ELMOD1: variants seen among roughly 807,000 people sequenced by gnomAD.
ELMOD1 encodes the protein ELMO domain containing 1.
Under a neutral mutation model 46.7 loss-of-function variants are expected in ELMOD1, and 21 were observed. The observed-to-expected ratio is 0.45, with a 90% confidence interval of 0.32 to 0.65. ELMOD1 has a LOEUF of 0.65. ELMOD1 is among the 30% of genes least tolerant of loss of function. The pLI, the probability that ELMOD1 is intolerant of heterozygous loss-of-function variation, is 0.04. For synonymous variants in ELMOD1, 122 were observed against 138.2 expected, an observed-to-expected ratio of 0.88 and a Z score of 0.82; for missense variants, 348 against 407.8, an observed-to-expected ratio of 0.85 and a Z score of 1.26.
intron 2 of ELMOD1, chr11:107,620,421 A>G (rs1865927530): frequency 1.3e-5 from 2 of 152,382 alleles, no homozygotes; most frequent in South Asian, 4.1e-4. Context: ...AAAATATTCA[A>G]TGTATGTCAA....
Position 107,635,720 on chromosome 11 carries a change from G to A in ELMOD1, c.375G>A (p.Glu125=). Reference sequence around the variant, plus strand: ...CAGATGTGGAAAAACTGCGTAGAGAGGCCTATGATTCTGATAATCCCCAAC... The same window carrying A: ...CAGATGTGGAAAAACTGCGTAGAGAAGCCTATGATTCTGATAATCCCCAAC... The part of the protein sequence containing the change: ...LIADVEKLRR[E]AYDSDNPQHE... Residue 125 remains glutamate, a synonymous_variant, in exon 6 of 12, where the codon GAG becomes GAA. Coordinates refer to ENST00000265840, the MANE Select transcript of ELMOD1 (RefSeq NM_018712.4). The A allele has an allele frequency of 6.2e-7, 1 of 1,613,904 alleles. No homozygotes were observed. The highest frequency in any genetic ancestry group is 8.5e-7 in the Non-Finnish European group (1 of 1,179,860).
intron 11 of ELMOD1, among the ~76,000 whole-genome samples, chr11:107,660,720 G>A (rs1866724696): frequency 1.3e-5 from 2 of 152,188 alleles, no homozygotes; most frequent in Non-Finnish European, 2.9e-5. Flanking sequence ...TGTAATATCT[G>A]TGTTACCTAC....
At chr11:107,657,504 G>A (rs920082199) in intron 11 of ELMOD1, among the ~76,000 whole-genome samples, 2 of 152,092 alleles carry the variant, frequency 1.3e-5, no homozygotes, top group African/African-American at 4.8e-5. Flanking sequence ...CTCCAGCCTG[G>A]GTGACAGAGC....
chr11:107,611,089 T>C (rs1380297954), intron 1 of ELMOD1, among the ~76,000 whole-genome samples: 4 of 150,500 alleles, frequency 2.7e-5, no homozygotes, highest in Non-Finnish European at 5.9e-5. Context: ...CAAAAGCAAT[T>C]GCAACAAAAA....
chr11:107,647,900 T>C (rs1866460367), intron 7 of ELMOD1, among the ~76,000 whole-genome samples: 1 of 152,222 alleles, frequency 6.6e-6, no homozygotes, highest in African/African-American at 2.4e-5. Flanking sequence ...CACCCTTGTA[T>C]TGATCATCCA....
At chr11:107,631,404 C>G (rs1163323641) in intron 4 of ELMOD1, among the ~76,000 whole-genome samples, 176 bp from the exon 5 acceptor site, 3 of 147,340 alleles carry the variant, frequency 2.0e-5, no homozygotes, top group Non-Finnish European at 4.5e-5. Flanking sequence ...ACTACCCCCC[C>G]CCCCATCGTG....
chr11:107,642,167 C>T (rs1251263290), intron 6 of ELMOD1, among the ~76,000 whole-genome samples: 1 of 151,912 alleles, frequency 6.6e-6, no homozygotes, highest in Non-Finnish European at 1.5e-5. Flanking sequence ...TGATCTTGAA[C>T]TCCTGACCTC....
intron 7 of ELMOD1, among the ~76,000 whole-genome samples, chr11:107,648,589 T>C (rs1390973842): frequency 6.6e-6 from 1 of 152,232 alleles, no homozygotes; most frequent in Admixed American, 6.5e-5. Context: ...AGTACTTTTC[T>C]ATTTCTGTTA....
chr11:107,594,792 T>C (rs1174241265), intron 1 of ELMOD1, among the ~76,000 whole-genome samples: 1 of 152,246 alleles, frequency 6.6e-6, no homozygotes, highest in Admixed American at 6.5e-5. Context: ...ATTGAGATCA[T>C]TTCTGATTTG....
At position 107,664,961 on chromosome 11, in the gene ELMOD1, A is replaced by G. The variant is rs1444214148; in HGVS notation, c.833-64A>G. On this transcript the variant is annotated intron_variant, in intron 11 of 11. Coordinates refer to ENST00000265840, the MANE Select transcript of ELMOD1 (RefSeq NM_018712.4). ...AGCATCTTCCTCAGCATTCAGAATGATTTTGAATGTGATTAAGGATTTTTT... is the reference window on the plus strand; with the variant it reads ...AGCATCTTCCTCAGCATTCAGAATGGTTTTGAATGTGATTAAGGATTTTTT... 2.1e-5 allele frequency: 31 copies of G among 1,475,082 alleles called. 1 individual carries two copies. The Admixed American group carries it at 4.3e-4, about 20-fold the overall frequency. The allele number at this position is 1,475,082 out of a possible 1,614,324, so 91.4% of individuals were successfully genotyped here.
At chr11:107,648,888 A>G (rs2135707873) in intron 7 of ELMOD1, among the ~76,000 whole-genome samples, 1 of 151,744 alleles carries the variant, frequency 6.6e-6, no homozygotes, top group East Asian at 1.9e-4. Flanking sequence ...ATGTGTAGTC[A>G]TTATTTTTTG....
intron 10 of ELMOD1, 119 bp from the exon 11 acceptor site, chr11:107,655,814 A>G (rs1795437085): frequency 1.8e-6 from 2 of 1,097,196 alleles, no homozygotes; most frequent in African/African-American, 3.2e-5. Context: ...ACTTCCTGAC[A>G]TTACCATGGC....
chr11:107,622,700 A>G (rs1001957641), intron 2 of ELMOD1, among the ~76,000 whole-genome samples: 1 of 152,216 alleles, frequency 6.6e-6, no homozygotes, highest in Admixed American at 6.5e-5. Context: ...GCTTTTGAAG[A>G]GCAGAAGGTG....
At chr11:107,600,057 T>C (rs981101596) in intron 1 of ELMOD1, among the ~76,000 whole-genome samples, 1 of 152,134 alleles carries the variant, frequency 6.6e-6, no homozygotes, top group Non-Finnish European at 1.5e-5. Flanking sequence ...CCTTTTTTTT[T>C]AAATTTCATA....
intron 2 of ELMOD1, among the ~76,000 whole-genome samples, chr11:107,623,120 C>A (rs1865980122): frequency 6.6e-6 from 1 of 152,040 alleles, no homozygotes; most frequent in East Asian, 1.9e-4. Context: ...TGCTATCCCT[C>A]CCCGATTCCC....
intron 11 of ELMOD1, among the ~76,000 whole-genome samples, chr11:107,661,415 C>T (rs951201106): frequency 3.9e-5 from 6 of 152,274 alleles, no homozygotes; most frequent in South Asian, 4.1e-4. Flanking sequence ...ATGAATTCTT[C>T]ATTAAAAGAT....
chr11:107,605,075 AC>A (rs1226307913), intron 1 of ELMOD1, among the ~76,000 whole-genome samples: 2 of 152,208 alleles, frequency 1.3e-5, no homozygotes, highest in Non-Finnish European at 2.9e-5. Flanking sequence ...TGAAATTTAA[AC>A]TAAAATATAA....
At chr11:107,629,269 A>G (rs954829504) in intron 2 of ELMOD1, among the ~76,000 whole-genome samples, 1 of 152,200 alleles carries the variant, frequency 6.6e-6, no homozygotes, top group Non-Finnish European at 1.5e-5. Context: ...CACATTGTAG[A>G]GGCTACTAGT....
chr11:107,623,142 C>T lies in ELMOD1; in HGVS notation c.17+4936C>T, dbSNP rs558089815. The T allele has an allele frequency of 2.0e-5, 3 of 151,968 alleles. No individual in the cohort carries two copies. In the East Asian group the frequency reaches 5.8e-4, roughly 29 times the overall value. The allele number at this position is 151,968 out of a possible 1,614,324, so 9.4% of individuals were successfully genotyped here. ...CCTCCCCGATTCCCCCACCCCACAA[C>T]AGGCCCCGGTGTGTGATGTTCCCCT... On this transcript the variant is annotated intron_variant, in intron 2 of 11. Transcript: ENST00000265840.
Sources: gnomAD v4.1 joint callset for allele counts (sites outside exome capture counted in the v4.1 genomes callset) on GRCh38, gnomAD v4.1.1 for gene constraint, MANE v1.5 for transcripts, NCBI Gene and HGNC (gene_info 2026-07-23, HGNC 2026-07-21) for gene names.